PCDH15: variants seen among roughly 807,000 people sequenced by gnomAD.
PCDH15 encodes protocadherin-15.
A neutral mutation model predicts 178.5 loss-of-function variants in PCDH15; 129 were observed. The ratio of observed to expected loss-of-function variants is 0.72; its 90% CI spans 0.63 to 0.84. PCDH15 has a LOEUF of 0.84. PCDH15 is among the 40% of genes least tolerant of loss of function. The pLI, the probability that PCDH15 is intolerant of heterozygous loss-of-function variation, is 0.00. For synonymous variants in PCDH15, 800 were observed against 732.0 expected (o/e 1.09, Z -1.50); for missense variants, 2,230 against 2,099.9 (o/e 1.06, Z -1.21).
chr10:55,284,143 G>A (rs1034368128), intron 1 of PCDH15, among the ~76,000 whole-genome samples: 1 of 152,022 alleles, frequency 6.6e-6, no homozygotes, highest in Non-Finnish European at 1.5e-5. Context: ...GTTTTCTAAC[G>A]AAAACATTTC....
intron 16 of PCDH15, among the ~76,000 whole-genome samples, chr10:54,085,249 A>T (rs1008753207): frequency 6.6e-6 from 1 of 152,132 alleles, no homozygotes; most frequent in Non-Finnish European, 1.5e-5. Context: ...AAAACAAATT[A>T]ATCACCAAAG....
chr10:54,415,835 G>A (rs890794688), intron 3 of PCDH15, among the ~76,000 whole-genome samples: 8 of 151,746 alleles, frequency 5.3e-5, no homozygotes, highest in African/African-American at 1.9e-4. Flanking sequence ...ATCTCGATTG[G>A]GTAAAAGACA....
intron 1 of PCDH15, among the ~76,000 whole-genome samples, chr10:55,218,912 A>C (rs1840788046): frequency 6.6e-6 from 1 of 152,060 alleles, no homozygotes; most frequent in Admixed American, 6.6e-5. Context: ...TGTATTTTTC[A>C]TATGTAAATG....
chr10:54,563,447 T>A (rs1370385464), intron 2 of PCDH15, among the ~76,000 whole-genome samples: 1 of 152,134 alleles, frequency 6.6e-6, no homozygotes, highest in Non-Finnish European at 1.5e-5. Context: ...CAAATTATAA[T>A]TAACTCAAAG....
chr10:53,920,500 T>C (rs184573135), intron 25 of PCDH15, among the ~76,000 whole-genome samples: 96 of 152,174 alleles, frequency 6.3e-4, no homozygotes, highest in African/African-American at 2.2e-3. Flanking sequence ...TTAATTTTCT[T>C]CTTTTCGTAT....
intron 3 of PCDH15, among the ~76,000 whole-genome samples, chr10:54,390,925 G>A (rs1336550421): frequency 6.6e-6 from 1 of 152,046 alleles, no homozygotes; most frequent in Non-Finnish European, 1.5e-5. Flanking sequence ...AATTTTCAGT[G>A]CCTTTTCTAT....
intron 1 of PCDH15, among the ~76,000 whole-genome samples, chr10:55,271,585 TC>T: frequency 6.6e-6 from 1 of 152,216 alleles, no homozygotes; most frequent in East Asian, 1.9e-4. Context: ...GTTTGTAGCT[TC>T]CAGCAAATAC....
intron 2 of PCDH15, among the ~76,000 whole-genome samples, chr10:55,451,522 CA>C (rs1433138181): frequency 1.3e-5 from 2 of 151,730 alleles, no homozygotes; most frequent in Non-Finnish European, 2.9e-5. Context: ...AAATAAAAAA[CA>C]AAACAGTTTG....
At chr10:54,278,351 A>G (rs753741874) in intron 8 of PCDH15, among the ~76,000 whole-genome samples, 56 of 151,710 alleles carry the variant, frequency 3.7e-4, no homozygotes, top group Non-Finnish European at 7.7e-4. Context: ...GTCCTTAGTT[A>G]TGTAAATTTA....
chr10:54,849,046 A>T (rs1258738120), intron 3 of PCDH15, among the ~76,000 whole-genome samples: 1 of 152,094 alleles, frequency 6.6e-6, no homozygotes, highest in African/African-American at 2.4e-5. Context: ...ATTTAAAAAA[A>T]ATTACGTTGA....
chr10:54,234,998 G>GC (rs1273672154), intron 9 of PCDH15, among the ~76,000 whole-genome samples: 1 of 151,836 alleles, frequency 6.6e-6, no homozygotes, highest in Non-Finnish European at 1.5e-5. Flanking sequence ...AGTACTTCCG[G>GC]CCCCCTTGTT....
chr10:53,912,141 C>T (rs932195020), intron 25 of PCDH15, among the ~76,000 whole-genome samples: 2 of 152,168 alleles, frequency 1.3e-5, no homozygotes, highest in Admixed American at 6.5e-5. Context: ...GCTGGTTCAA[C>T]ATACACAAAT....
At chr10:54,832,880 G>A (rs934158264) in intron 3 of PCDH15, among the ~76,000 whole-genome samples, 1 of 152,144 alleles carries the variant, frequency 6.6e-6, no homozygotes, top group African/African-American at 2.4e-5. Context: ...CATCATAGAT[G>A]AAAGAGAGCT....
At chr10:53,933,929 G>C (rs1192969371) in intron 25 of PCDH15, among the ~76,000 whole-genome samples, 1 of 152,142 alleles carries the variant, frequency 6.6e-6, no homozygotes, top group African/African-American at 2.4e-5. Context: ...GGCCAGTGAT[G>C]ATGAGCATTT....
chr10:55,318,134 G>A (rs1006883689), intron 1 of PCDH15, among the ~76,000 whole-genome samples: 7 of 152,072 alleles, frequency 4.6e-5, no homozygotes, highest in Non-Finnish European at 7.4e-5. Flanking sequence ...AAACCACTCC[G>A]CTGGAACATT....
chr10:54,475,916 G>A (rs1238169835), intron 3 of PCDH15, among the ~76,000 whole-genome samples: 1 of 150,372 alleles, frequency 6.7e-6, no homozygotes, highest in African/African-American at 2.4e-5. Flanking sequence ...GTTAAAGCTT[G>A]TAGCATAGGT....
chr10:55,496,193 T>A (rs760588332), intron 2 of PCDH15, among the ~76,000 whole-genome samples: 2 of 151,694 alleles, frequency 1.3e-5, no homozygotes, highest in East Asian at 3.9e-4. Context: ...CAATAAAACT[T>A]AAAGACATAA....
Position 54,317,428 on chromosome 10 carries a change from T to C in PCDH15, c.719A>G (p.Asn240Ser). 1 of 1,613,838 alleles carries C rather than the reference T, an allele frequency of 6.2e-7. No homozygotes were observed. The highest frequency in any genetic ancestry group is 1.3e-5 in the African/African-American group (1 of 74,982). The change falls in exon 8 of 38, where the codon AAT becomes AGT. Residue 240 changes from asparagine (N) to serine (S), a missense_variant. Coordinates refer to ENST00000644397, the MANE Select transcript of PCDH15 (RefSeq NM_001384140.1). ...GGTGGTGGTTCGCCTCTCATTCAGA[T>C]TTTGGGCACGGTCCTGTTAGGGAGA... ...VIIQANDRAQ[N>S]LNERRTTTTT...
chr10:54,850,686 C>T (rs1953603355), intron 3 of PCDH15, among the ~76,000 whole-genome samples: 1 of 151,958 alleles, frequency 6.6e-6, no homozygotes, highest in South Asian at 2.1e-4. Flanking sequence ...AGAAAGGTTC[C>T]AACACAGCTA....
Sources: gnomAD v4.1 joint callset for allele counts (sites outside exome capture counted in the v4.1 genomes callset) on GRCh38, gnomAD v4.1.1 for gene constraint, MANE v1.5 for transcripts, NCBI Gene and HGNC (gene_info 2026-07-23, HGNC 2026-07-21) for gene names.